Variants in ANKS1B observed in about 807,000 individuals in gnomAD.
ANKS1B encodes ankyrin repeat and sterile alpha motif domain containing 1B, also known as ankyrin repeat and sterile alpha motif domain-containing protein 1B.
ANKS1B carries 36 observed loss-of-function variants against 148.3 expected under a neutral mutation model. The ratio of observed to expected loss-of-function variants is 0.24; its 90% CI spans 0.19 to 0.32. The LOEUF is 0.32. Ranked by LOEUF, ANKS1B falls within the 10% of genes least tolerant of loss-of-function variation. ANKS1B has a pLI of 1.00. For synonymous variants in ANKS1B, 542 were observed against 560.8 expected, an observed-to-expected ratio of 0.97 and a Z score of 0.47; for missense variants, 1,157 against 1,542.6, an observed-to-expected ratio of 0.75 and a Z score of 4.19.
At chr12:99,551,922 C>T (rs753195168) in intron 9 of ANKS1B, among the ~76,000 whole-genome samples, 1 of 152,020 alleles carries the variant, frequency 6.6e-6, no homozygotes, top group African/African-American at 2.4e-5. Flanking sequence ...CTTGCCTCTC[C>T]AGATTTAAGG....
intron 8 of ANKS1B, among the ~76,000 whole-genome samples, chr12:99,732,148 G>T (rs1604174): frequency 0.19 from 28,829 of 152,082 alleles, 3,077 homozygotes; most frequent in Middle Eastern, 0.24. Flanking sequence ...TTAAAAGACT[G>T]ATGATATATA....
intron 11 of ANKS1B, among the ~76,000 whole-genome samples, chr12:99,431,024 C>A (rs2095360114): frequency 6.6e-6 from 1 of 152,106 alleles, no homozygotes; most frequent in Non-Finnish European, 1.5e-5. Flanking sequence ...TCTGTTTATT[C>A]CTCCCAGTGT....
chr12:99,701,678 C>T (rs553924441), intron 8 of ANKS1B, among the ~76,000 whole-genome samples: 3 of 152,132 alleles, frequency 2.0e-5, no homozygotes, highest in Admixed American at 6.6e-5. Context: ...ATTTCCCCAT[C>T]CCCGCCCCCA....
intron 9 of ANKS1B, among the ~76,000 whole-genome samples, chr12:99,584,342 G>A (rs1037156299): frequency 2.6e-5 from 4 of 152,184 alleles, no homozygotes; most frequent in African/African-American, 7.2e-5. Context: ...GCTCACATCT[G>A]TAATTCCAGG....
intron 10 of ANKS1B, among the ~76,000 whole-genome samples, chr12:99,457,516 T>C (rs2095866818): frequency 1.3e-5 from 2 of 152,120 alleles, no homozygotes; most frequent in South Asian, 2.1e-4. Context: ...GCCAAGTATC[T>C]GCTGTCTTCA....
At chr12:99,369,267 A>T (rs11109813) in intron 12 of ANKS1B, among the ~76,000 whole-genome samples, 44,224 of 152,130 alleles carry the variant, frequency 0.29, 7,301 homozygotes, top group East Asian at 0.49. Context: ...TGTGCCCAAG[A>T]CTTTGGACCT....
chr12:99,915,438 T>C (rs969126141), intron 1 of ANKS1B, among the ~76,000 whole-genome samples: 2 of 152,164 alleles, frequency 1.3e-5, no homozygotes, highest in African/African-American at 4.8e-5. Flanking sequence ...TGCTTTCATA[T>C]GGAGGCAATC....
chr12:98,922,976 G>A (rs1263581176), intron 17 of ANKS1B, among the ~76,000 whole-genome samples: 1 of 152,100 alleles, frequency 6.6e-6, no homozygotes, highest in Non-Finnish European at 1.5e-5. Context: ...GAGGTGCTGT[G>A]GTTTGGATGT....
chr12:98,911,826 G>T (rs948707158), intron 17 of ANKS1B, among the ~76,000 whole-genome samples: 1 of 152,196 alleles, frequency 6.6e-6, no homozygotes, highest in Non-Finnish European at 1.5e-5. Flanking sequence ...ATTACTAGCA[G>T]AGGAAGAAAT....
intron 12 of ANKS1B, among the ~76,000 whole-genome samples, chr12:99,348,791 A>T (rs560488957): frequency 5.3e-5 from 8 of 152,088 alleles, no homozygotes; most frequent in Non-Finnish European, 7.4e-5. Flanking sequence ...AGAAATGTTA[A>T]AGGGAGTTCT....
chr12:99,642,841 C>A (rs1200073577), intron 9 of ANKS1B, among the ~76,000 whole-genome samples: 1 of 152,006 alleles, frequency 6.6e-6, no homozygotes, highest in Non-Finnish European at 1.5e-5. Flanking sequence ...GAATCTGTTC[C>A]CTGCCTTTTT....
chr12:99,131,189 G>T (rs758758263), intron 15 of ANKS1B, among the ~76,000 whole-genome samples: 3 of 152,204 alleles, frequency 2.0e-5, no homozygotes, highest in East Asian at 3.9e-4. Flanking sequence ...CAGGGGCCAG[G>T]ACAGTCCCTG....
At chr12:99,019,605 A>T (rs1443748037) in intron 17 of ANKS1B, among the ~76,000 whole-genome samples, 1 of 152,206 alleles carries the variant, frequency 6.6e-6, no homozygotes, top group Non-Finnish European at 1.5e-5. Flanking sequence ...TGGCTACAAC[A>T]TCAAGTCATT....
chr12:98,987,096 T>TATAAA (rs2153249228), intron 17 of ANKS1B, among the ~76,000 whole-genome samples: 1 of 152,132 alleles, frequency 6.6e-6, no homozygotes, highest in Non-Finnish European at 1.5e-5. Flanking sequence ...AAAAGTATAG[T>TATAAA]AGAATGCGAT....
intron 12 of ANKS1B, among the ~76,000 whole-genome samples, chr12:99,253,167 C>T (rs11109780): frequency 0.3 from 45,667 of 150,922 alleles, 8,039 homozygotes; most frequent in African/African-American, 0.48. Flanking sequence ...TTCAAGTCTG[C>T]GGTGAGCTTT....
At chr12:99,394,924 T>G (rs2094196157) in intron 12 of ANKS1B, among the ~76,000 whole-genome samples, 1 of 152,186 alleles carries the variant, frequency 6.6e-6, no homozygotes, top group Admixed American at 6.5e-5. Context: ...TTACCAAACC[T>G]TCTCTTCCCC....
At chr12:98,960,643 T>C (rs1460408769) in intron 17 of ANKS1B, among the ~76,000 whole-genome samples, 2 of 152,090 alleles carry the variant, frequency 1.3e-5, no homozygotes, top group East Asian at 3.9e-4. Context: ...AAAATAATCT[T>C]ACCAAACAAA....
intron 9 of ANKS1B, among the ~76,000 whole-genome samples, chr12:99,548,483 C>T (rs759111984): frequency 2.0e-5 from 3 of 152,004 alleles, no homozygotes; most frequent in Non-Finnish European, 4.4e-5. Flanking sequence ...ATAGAAATCC[C>T]CCCACCACCA....
chr12:98,960,958 C>T (rs540369274), intron 17 of ANKS1B, among the ~76,000 whole-genome samples: 3 of 151,826 alleles, frequency 2.0e-5, no homozygotes, highest in South Asian at 2.1e-4. Context: ...AATACACAGT[C>T]GGAGGAGACA....
Sources: allele counts gnomAD v4.1 joint callset (sites outside exome capture counted in the v4.1 genomes callset), GRCh38; gene constraint gnomAD v4.1.1; transcripts MANE v1.5; gene names NCBI Gene and HGNC (gene_info 2026-07-23, HGNC 2026-07-21).